The following UBTD1 variants were observed in gnomAD, a reference collection of about 807,000 sequenced individuals.
UBTD1 encodes ubiquitin domain containing 1, also known as ubiquitin domain-containing protein 1.
A neutral mutation model predicts 21.7 loss-of-function variants in UBTD1; 19 were observed. That is an observed-to-expected ratio of 0.87 (90% CI 0.61 to 1.28). UBTD1 has a LOEUF of 1.28. UBTD1 is among the 50% of genes most tolerant of loss of function. UBTD1 has a pLI of 0.00. For synonymous variants in UBTD1, 116 were observed against 135.1 expected (o/e 0.86, Z 0.98); for missense variants, 282 against 315.1 (o/e 0.89, Z 0.80).
At chr10:97,500,100 G>T (rs2040349988) in intron 1 of UBTD1, among the ~76,000 whole-genome samples, 1 of 152,226 alleles carries the variant, frequency 6.6e-6, no homozygotes, top group South Asian at 2.1e-4. Flanking sequence ...AACTTGTCTG[G>T]ATTCCAGATG....
intron 1 of UBTD1, among the ~76,000 whole-genome samples, chr10:97,509,149 T>G (rs1168060178): frequency 6.6e-6 from 1 of 152,224 alleles, no homozygotes; most frequent in African/African-American, 2.4e-5. Flanking sequence ...TTAGATATCA[T>G]TTGATCTCCA....
At position 97,570,427 on chromosome 10, in the gene UBTD1, G is replaced by A. The variant is rs778028286; in HGVS notation, c.588G>A (p.Lys196=). The part of the protein sequence containing the change: ...PSWQRWFFSG[K]LLTDRTRLQE... ...GGCAGCGGTGGTTCTTCTCCGGGAA[G>A]CTGCTCACAGACCGCACACGGCTCC... is the stretch of plus-strand genomic sequence containing the variant. The change falls in exon 3 of 3, where the codon AAG becomes AAA. Residue 196 remains lysine (K), a synonymous_variant. Coordinates refer to ENST00000370664, the MANE Select transcript of UBTD1 (RefSeq NM_024954.5). The surrounding 1 kb of genome is among the most constrained non-coding windows in gnomAD (Gnocchi z 6.6). 5 of 1,613,372 alleles carry A rather than the reference G, an allele frequency of 3.1e-6. No homozygotes were observed. The South Asian group carries it at 4.4e-5, about 14-fold the overall frequency.
At chr10:97,553,567 T>C (rs1048252927) in intron 1 of UBTD1, among the ~76,000 whole-genome samples, 1 of 152,238 alleles carries the variant, frequency 6.6e-6, no homozygotes, top group Non-Finnish European at 1.5e-5. Flanking sequence ...CTGCAAATGT[T>C]TGGGCATGTC....
intron 1 of UBTD1, among the ~76,000 whole-genome samples, chr10:97,503,089 T>A (rs1482726877): frequency 6.6e-6 from 1 of 152,078 alleles, no homozygotes; most frequent in African/African-American, 2.4e-5. Flanking sequence ...GCTAACTTTT[T>A]ATTTTTTGTA....
intron 1 of UBTD1, among the ~76,000 whole-genome samples, chr10:97,541,952 T>G (rs572332956): frequency 1.1e-3 from 162 of 152,164 alleles, no homozygotes; most frequent in African/African-American, 3.8e-3. Flanking sequence ...ACCAGGCTGG[T>G]CTCGAACTCC....
chr10:97,534,504 C>A (rs1050317932), intron 1 of UBTD1, among the ~76,000 whole-genome samples: 1 of 151,940 alleles, frequency 6.6e-6, no homozygotes, highest in Admixed American at 6.6e-5. Flanking sequence ...TGCGTTTCCC[C>A]CTAAGTCTCA....
At chr10:97,511,737 A>G (rs2040423936) in intron 1 of UBTD1, among the ~76,000 whole-genome samples, 1 of 152,062 alleles carries the variant, frequency 6.6e-6, no homozygotes, top group South Asian at 2.1e-4. Flanking sequence ...TCATTTCCTA[A>G]GCCTTCACAG....
intron 1 of UBTD1, among the ~76,000 whole-genome samples, chr10:97,530,081 A>G (rs748853349): frequency 6.6e-6 from 1 of 152,192 alleles, no homozygotes. Context: ...ATTAGTTTCT[A>G]ACAATCTCCT....
chr10:97,527,931 T>C (rs12781301), intron 1 of UBTD1, among the ~76,000 whole-genome samples: 75 of 151,962 alleles, frequency 4.9e-4, no homozygotes, highest in Admixed American at 8.5e-4. Context: ...ACCGCCATTG[T>C]CATCATGGCC....
intron 1 of UBTD1, among the ~76,000 whole-genome samples, chr10:97,563,019 A>G (rs577838985): frequency 6.6e-6 from 1 of 152,252 alleles, no homozygotes; most frequent in South Asian, 2.1e-4. Context: ...ATTAAACTGA[A>G]GAAAGATTTG....
chr10:97,552,227 A>G (rs1178953896), intron 1 of UBTD1, among the ~76,000 whole-genome samples: 1 of 151,844 alleles, frequency 6.6e-6, no homozygotes, highest in Non-Finnish European at 1.5e-5. Context: ...TTTTTAAATT[A>G]TCCAGTCATG....
chr10:97,564,143 G>A (rs1426779619), intron 1 of UBTD1, among the ~76,000 whole-genome samples: 2 of 152,086 alleles, frequency 1.3e-5, no homozygotes. Context: ...GTCCAGCTAG[G>A]GTGTCTTCAT....
chr10:97,507,426 C>A (rs2040403695), intron 1 of UBTD1, among the ~76,000 whole-genome samples: 1 of 150,512 alleles, frequency 6.6e-6, no homozygotes, highest in South Asian at 2.1e-4. Flanking sequence ...TGCTTGAGGC[C>A]AGGAGTTCAA....
intron 1 of UBTD1, among the ~76,000 whole-genome samples, chr10:97,535,852 A>C (rs2040557658): frequency 6.6e-6 from 1 of 151,938 alleles, no homozygotes; most frequent in Admixed American, 6.6e-5. Flanking sequence ...CAAGTGTTCA[A>C]GGCTTCAGTG....
chr10:97,534,239 G>A (rs1195330956), intron 1 of UBTD1, among the ~76,000 whole-genome samples: 3 of 152,164 alleles, frequency 2.0e-5, no homozygotes, highest in Non-Finnish European at 2.9e-5. Flanking sequence ...TGGTCCACTC[G>A]CTGGTTCATT....
At chr10:97,519,562 G>C (rs1438039519) in intron 1 of UBTD1, among the ~76,000 whole-genome samples, 2 of 152,184 alleles carry the variant, frequency 1.3e-5, no homozygotes, top group African/African-American at 4.8e-5. Context: ...TTGTCAACTG[G>C]GGAGAGAGAG....
chr10:97,552,430 C>G (rs1311158589), intron 1 of UBTD1, among the ~76,000 whole-genome samples: 1 of 121,052 alleles, frequency 8.3e-6, no homozygotes, highest in Non-Finnish European at 1.6e-5. Flanking sequence ...CAGTCTCGTT[C>G]TGTGACCCAG....
chr10:97,562,064 C>T (rs1433030727), intron 1 of UBTD1, among the ~76,000 whole-genome samples: 4 of 152,168 alleles, frequency 2.6e-5, no homozygotes, highest in Non-Finnish European at 4.4e-5. Context: ...CCTCATTATA[C>T]TCTCCTCCCT....
intron 1 of UBTD1, among the ~76,000 whole-genome samples, chr10:97,514,985 C>T (rs544853258): frequency 2.0e-5 from 3 of 152,262 alleles, no homozygotes; most frequent in African/African-American, 7.2e-5. Flanking sequence ...GCATAAATAA[C>T]GCATAAGCAG....
Sources: gnomAD v4.1 joint callset for allele counts (sites outside exome capture counted in the v4.1 genomes callset) on GRCh38, gnomAD v4.1.1 for gene constraint, Gnocchi (gnomAD v3.1) non-coding constraint, MANE v1.5 for transcripts, NCBI Gene and HGNC (gene_info 2026-07-23, HGNC 2026-07-21) for gene names.